Variants in XPO1 observed in about 807,000 individuals in gnomAD.
XPO1 encodes exportin 1.
A neutral mutation model predicts 133.3 loss-of-function variants in XPO1; 5 were observed. That is an observed-to-expected ratio of 0.04 (90% confidence interval 0.02 to 0.08). The LOEUF is 0.08. XPO1 is among the 10% of genes least tolerant of loss of function. XPO1 has a pLI of 1.00. For missense variants in XPO1, 506 were observed against 1,267.5 expected (o/e 0.40, Z 9.12); for synonymous variants, 419 against 408.2 (o/e 1.03, Z -0.32).
rs529631057 is a variant in XPO1 at position 61,535,867 on chromosome 2, C to A, written c.-7+1695G>T. ...ACAAATGAATGTGTAAACTCTCCTC[C>A]ACCTTCAAGTACCATAAAATTTAAA... is the stretch of plus-strand genomic sequence containing the variant. On this transcript the variant is annotated intron_variant, in intron 1 of 24. Transcript: ENST00000401558. 2.6e-5 allele frequency among the ~76,000 whole-genome samples: 4 copies of A among 152,260 alleles called. No homozygotes were observed. The South Asian group carries it at 8.3e-4, about 32-fold the overall frequency.
intron 17 of XPO1, among the ~76,000 whole-genome samples, chr2:61,489,158 A>T (rs1378196844): frequency 6.6e-6 from 1 of 152,074 alleles, no homozygotes; most frequent in African/African-American, 2.4e-5. Context: ...TCACACCTAT[A>T]ATCCCAGCAC....
intron 4 of XPO1, among the ~76,000 whole-genome samples, chr2:61,511,713 T>C (rs185293450): frequency 6.6e-6 from 1 of 152,268 alleles, no homozygotes; most frequent in Admixed American, 6.5e-5. Context: ...TTGTTTTTTT[T>C]AGAAATGAAA....
chr2:61,527,334 A>G (rs1698947749), intron 2 of XPO1, among the ~76,000 whole-genome samples: 1 of 151,302 alleles, frequency 6.6e-6, no homozygotes, highest in Non-Finnish European at 1.5e-5. Flanking sequence ...AAAAAAAAAA[A>G]AAAGAAAGCT....
rs72817405 is a variant in XPO1, at chr2:61,522,154, C to T, written c.301+457G>A. On this transcript the variant is annotated intron_variant, in intron 4 of 24. Coordinates refer to ENST00000401558, the MANE Select transcript of XPO1 (RefSeq NM_003400.4). ...GCAGGATCATGGCTCACTGCAGTCT[C>T]GACCTTTTGAGCTCAAGCAATGCTC... Among the ~76,000 whole-genome samples, 15 of 152,112 alleles carry T rather than the reference C, an allele frequency of 9.9e-5. No individual in the cohort carries two copies. In the East Asian group the frequency reaches 2.1e-3, roughly 22 times the overall value.
intron 9 of XPO1, 67 bp from the exon 10 acceptor site, chr2:61,497,074 A>C: frequency 6.5e-7 from 1 of 1,536,006 alleles, no homozygotes; most frequent in Non-Finnish European, 8.7e-7. Context: ...TAAAATTCAC[A>C]ATTAAAAGGA....
intron 4 of XPO1, among the ~76,000 whole-genome samples, chr2:61,515,559 T>C (rs1698332200): frequency 6.6e-6 from 1 of 152,190 alleles, no homozygotes. Flanking sequence ...ATACTCAGCA[T>C]ATGTAAGCAC....
intron 2 of XPO1, among the ~76,000 whole-genome samples, chr2:61,529,768 T>A (rs56322344): frequency 0.4 from 61,410 of 151,944 alleles, 13,536 homozygotes; most frequent in East Asian, 0.63. Context: ...ACCACATTCA[T>A]GACTATCCCA....
chr2:61,515,344 TCAG>T (rs1330340636), intron 4 of XPO1, among the ~76,000 whole-genome samples: 1 of 152,210 alleles, frequency 6.6e-6, no homozygotes, highest in African/African-American at 2.4e-5. Context: ...CAGGAGATCT[TCAG>T]CAGAAGTGAC....
At chr2:61,491,483 C>T (rs1696987141) in intron 16 of XPO1, among the ~76,000 whole-genome samples, 1 of 151,278 alleles carries the variant, frequency 6.6e-6, no homozygotes, top group Non-Finnish European at 1.5e-5. Flanking sequence ...CACACACACA[C>T]ACACACACAC....
At chr2:61,520,908 T>C (rs1384526196) in intron 4 of XPO1, among the ~76,000 whole-genome samples, 2 of 152,160 alleles carry the variant, frequency 1.3e-5, no homozygotes, top group Admixed American at 6.5e-5. Flanking sequence ...CTGGGGCTCA[T>C]AACACATGAG....
intron 23 of XPO1, among the ~76,000 whole-genome samples, chr2:61,482,059 C>CTTTTTTTTTTTTTTTTTTTTTTTTTTTT (rs1273871116): frequency 6.1e-4 from 25 of 41,092 alleles, no homozygotes; most frequent in Non-Finnish European, 8.8e-4. Context: ...TTTTTTTTTG[C>CTTTTTTTTTTTTTTTTTTTTTTTTTTTT]TTTTTTAAAG....
At chr2:61,505,703 C>T (rs1177625722) in intron 4 of XPO1, among the ~76,000 whole-genome samples, 2 of 152,056 alleles carry the variant, frequency 1.3e-5, no homozygotes, top group Non-Finnish European at 1.5e-5. Context: ...AGATTACAGA[C>T]GTGAGCCACC....
chr2:61,479,508 G>T (rs1048907697), intron 24 of XPO1, among the ~76,000 whole-genome samples: 2 of 152,090 alleles, frequency 1.3e-5, no homozygotes, highest in Non-Finnish European at 2.9e-5. Context: ...TCTTCAATGT[G>T]ATTATTATGC....
intron 2 of XPO1, among the ~76,000 whole-genome samples, chr2:61,530,199 C>G (rs1309318381): frequency 6.6e-6 from 1 of 152,134 alleles, no homozygotes; most frequent in Admixed American, 6.5e-5. Flanking sequence ...AAGTGATAAG[C>G]ATTCTACACA....
intron 3 of XPO1, chr2:61,525,750 A>G (rs1370250957): frequency 2.9e-6 from 3 of 1,029,950 alleles, no homozygotes; most frequent in Non-Finnish European, 3.5e-6. Context: ...TTAATTAACA[A>G]AGTCTGGTTT....
intron 12 of XPO1, 95 bp downstream of exon 12, chr2:61,493,799 T>C (rs562224291): frequency 4.5e-6 from 6 of 1,330,532 alleles, no homozygotes; most frequent in South Asian, 2.7e-5. Flanking sequence ...TCTCTTTTTA[T>C]AGCTAATTTA....
In XPO1 at chr2:61,526,168, C is replaced by T. The variant is rs10190123; in HGVS notation, c.228+252G>A. ...TGCTACTTAGACCTGTATACATATA[C>T]TAAAAAGAAAAAAACAAAATCAGAC... On this transcript the variant is annotated intron_variant, in intron 3 of 24. Transcript: ENST00000401558. 4,739 of 1,284,510 alleles carry T rather than the reference C, an allele frequency of 3.7e-3. 153 individuals carry two copies. In the African/African-American group the frequency reaches 0.064, roughly 17 times the overall value. The allele number at this position is 1,284,510 out of a possible 1,614,324, so 79.6% of individuals were successfully genotyped here.
chr2:61,493,863 AG>A (rs747420471), intron 12 of XPO1, 30 bp downstream of exon 12: 1 of 1,610,684 alleles, frequency 6.2e-7, no homozygotes, highest in Non-Finnish European at 8.5e-7. Flanking sequence ...AGTATGCAAC[AG>A]GAAGAACACT....
At chr2:61,481,428 C>T (rs1011138157) in intron 23 of XPO1, 147 bp from the exon 24 acceptor site, 5 of 423,188 alleles carry the variant, frequency 1.2e-5, no homozygotes, top group Non-Finnish European at 2.1e-5. Flanking sequence ...CCTGCCTCAG[C>T]GTCCCAATAA....
Sources: allele counts gnomAD v4.1 joint callset (sites outside exome capture counted in the v4.1 genomes callset), GRCh38; gene constraint gnomAD v4.1.1; transcripts MANE v1.5; gene names NCBI Gene and HGNC (gene_info 2026-07-23, HGNC 2026-07-21).